Variants in ZFAND3 observed in about 807,000 individuals in gnomAD.
ZFAND3 encodes zinc finger AN1-type containing 3.
A neutral mutation model predicts 29.6 loss-of-function variants in ZFAND3; 10 were observed. That is an observed-to-expected ratio of 0.34 (90% CI 0.21 to 0.57). The LOEUF is 0.57. Ranked by LOEUF, ZFAND3 falls within the 20% of genes least tolerant of loss-of-function variation. The pLI, the probability that ZFAND3 is intolerant of heterozygous loss-of-function variation, is 0.86. For synonymous variants in ZFAND3, 128 were observed against 112.6 expected (o/e 1.14, Z -0.87); for missense variants, 230 against 304.5 (o/e 0.76, Z 1.82).
intron 2 of ZFAND3, among the ~76,000 whole-genome samples, chr6:38,042,367 T>C (rs1476988322): frequency 6.9e-6 from 1 of 145,818 alleles, no homozygotes; most frequent in African/African-American, 2.6e-5. Flanking sequence ...CAGGCTGGAG[T>C]GCAGTGGCGC....
intron 1 of ZFAND3, among the ~76,000 whole-genome samples, chr6:37,919,183 A>C (rs1004085725): frequency 2.0e-5 from 3 of 151,866 alleles, no homozygotes; most frequent in African/African-American, 7.3e-5. Context: ...GAATCTCCTC[A>C]CCTCATGATC....
intron 1 of ZFAND3, among the ~76,000 whole-genome samples, chr6:37,875,969 A>T (rs1355125378): frequency 6.6e-6 from 1 of 151,878 alleles, no homozygotes; most frequent in African/African-American, 2.4e-5. Flanking sequence ...AATTTGCTTT[A>T]TAATATGTGA....
At chr6:37,853,202 A>G (rs566433741) in intron 1 of ZFAND3, among the ~76,000 whole-genome samples, 5 of 152,196 alleles carry the variant, frequency 3.3e-5, no homozygotes, top group African/African-American at 9.6e-5. Flanking sequence ...TGTATTTAAT[A>G]TCTAAATGGG....
In ZFAND3 at chr6:37,925,445, G is replaced by C. The variant is rs557544035; in HGVS notation, c.72-4514G>C. ...CTGCTGGACGCGGTGGCTCATGCCT[G>C]TAATCCCAGCACTTTGGGAGGCCGA... is the stretch of plus-strand genomic sequence containing the variant. On this transcript the variant is annotated intron_variant, in intron 1 of 5. Transcript: ENST00000287218. Among the ~76,000 whole-genome samples the C allele has an allele frequency of 2.0e-5, 3 of 152,320 alleles. No individual in the cohort carries two copies. The East Asian group carries it at 5.8e-4, about 29-fold the overall frequency.
At chr6:37,897,678 G>T (rs1765244438) in intron 1 of ZFAND3, among the ~76,000 whole-genome samples, 1 of 152,176 alleles carries the variant, frequency 6.6e-6, no homozygotes. Flanking sequence ...CTAGCCTCTG[G>T]TGGAGTTATA....
chr6:37,936,286 T>G (rs764263400), intron 2 of ZFAND3, among the ~76,000 whole-genome samples: 4 of 152,174 alleles, frequency 2.6e-5, no homozygotes, highest in Non-Finnish European at 5.9e-5. Context: ...CCACAAACCC[T>G]TGGAAATACT....
chr6:38,030,856 A>C (rs1293075397), intron 2 of ZFAND3, among the ~76,000 whole-genome samples: 1 of 152,164 alleles, frequency 6.6e-6, no homozygotes, highest in Non-Finnish European at 1.5e-5. Flanking sequence ...GGATGAAGTA[A>C]AATTGTTGTT....
At chr6:38,054,149 G>A (rs1764086642) in intron 2 of ZFAND3, among the ~76,000 whole-genome samples, 1 of 151,304 alleles carries the variant, frequency 6.6e-6, no homozygotes, top group Non-Finnish European at 1.5e-5. Context: ...GAGATACCAA[G>A]GTGGGAGGAT....
chr6:37,949,114 C>T (rs1761951847), intron 2 of ZFAND3, among the ~76,000 whole-genome samples: 1 of 152,200 alleles, frequency 6.6e-6, no homozygotes, highest in Non-Finnish European at 1.5e-5. Context: ...TCTGCACCCT[C>T]ACCAGCATCT....
chr6:38,152,483 G>T lies in ZFAND3; in HGVS notation c.*94G>T. The T allele has an allele frequency of 2.1e-6, 3 of 1,405,652 alleles. No homozygotes were observed. Among genetic ancestry groups the T allele is most frequent in the African/African-American group, 2.9e-5 (2 of 68,816 alleles). 87.1% of individuals were successfully genotyped at this position (1,405,652 alleles called of 1,614,324 possible). A position where few individuals can be genotyped will look rare whatever the true frequency, so the allele number is the denominator to read the frequency against. The stretch of plus-strand genomic sequence containing the variant: ...CAGCCAGACACCTTGTACTGGGCAC[G>T]CGTCAGACTGCAGCCAGTCCGTTTC... On this transcript the variant is annotated 3_prime_UTR_variant, in exon 6 of 6. Transcript: ENST00000287218.
intron 2 of ZFAND3, among the ~76,000 whole-genome samples, chr6:38,028,866 G>A (rs540173752): frequency 3.3e-5 from 5 of 152,120 alleles, no homozygotes. Context: ...TCTTTGTGAA[G>A]CAAGGCATGG....
chr6:37,895,515 T>TGC (rs1357566605), intron 1 of ZFAND3, among the ~76,000 whole-genome samples: 6 of 136,626 alleles, frequency 4.4e-5, no homozygotes, highest in Non-Finnish European at 9.1e-5. Context: ...TTTTTGAATT[T>TGC]TCTTTTTTTT....
intron 2 of ZFAND3, among the ~76,000 whole-genome samples, chr6:37,932,724 G>T (rs1183909965): frequency 6.6e-6 from 1 of 152,180 alleles, no homozygotes; most frequent in Non-Finnish European, 1.5e-5. Context: ...CATGGGCTTT[G>T]TGTTTCTTTG....
chr6:37,909,156 G>T (rs938008447), intron 1 of ZFAND3, among the ~76,000 whole-genome samples: 1 of 152,150 alleles, frequency 6.6e-6, no homozygotes, highest in East Asian at 1.9e-4. Flanking sequence ...ATTTTACATT[G>T]ATAACTCGAT....
intron 2 of ZFAND3, among the ~76,000 whole-genome samples, chr6:37,970,944 C>G (rs1421870611): frequency 2.0e-5 from 3 of 152,136 alleles, no homozygotes; most frequent in East Asian, 3.9e-4. Flanking sequence ...CAAACAAAAC[C>G]CACTAAGTAT....
intron 4 of ZFAND3, among the ~76,000 whole-genome samples, chr6:38,091,437 G>T (rs1764866082): frequency 6.6e-6 from 1 of 150,556 alleles, no homozygotes; most frequent in Admixed American, 6.6e-5. Context: ...AGCATATCGG[G>T]AATTTAATTC....
chr6:38,039,765 G>A (rs560816353), intron 2 of ZFAND3, among the ~76,000 whole-genome samples: 10 of 152,180 alleles, frequency 6.6e-5, no homozygotes, highest in African/African-American at 1.7e-4. Context: ...GAGGAGAACC[G>A]TAGCTTTATT....
At chr6:37,947,539 A>T (rs1339626918) in intron 2 of ZFAND3, among the ~76,000 whole-genome samples, 1 of 152,178 alleles carries the variant, frequency 6.6e-6, no homozygotes, top group African/African-American at 2.4e-5. Flanking sequence ...TACTACATGT[A>T]TGTAGTTTGA....
chr6:37,843,661 T>TTGGGCC (rs1183018801), intron 1 of ZFAND3, among the ~76,000 whole-genome samples: 1 of 152,204 alleles, frequency 6.6e-6, no homozygotes, highest in East Asian at 1.9e-4. Flanking sequence ...GCTTAATGGC[T>TTGGGCC]TGGGCCTGTT....
Sources: gnomAD v4.1 joint callset for allele counts (sites outside exome capture counted in the v4.1 genomes callset) on GRCh38, gnomAD v4.1.1 for gene constraint, MANE v1.5 for transcripts, NCBI Gene and HGNC (gene_info 2026-07-23, HGNC 2026-07-21) for gene names.